The following NCAM2 variants were observed in gnomAD, a reference collection of about 807,000 sequenced individuals.
NCAM2 encodes N-CAM-2.
NCAM2 carries 30 observed loss-of-function variants against 98.1 expected under a neutral mutation model. The observed-to-expected ratio is 0.31, with a 90% confidence interval of 0.23 to 0.41. The LOEUF (loss-of-function observed/expected upper bound fraction) is 0.41, where lower values mean the gene tolerates loss of function less well. Ranked by LOEUF, NCAM2 falls within the 10% of genes least tolerant of loss-of-function variation. NCAM2 has a pLI of 1.00. For synonymous variants in NCAM2, 368 were observed against 342.4 expected, an observed-to-expected ratio of 1.07 and a Z score of -0.83; for missense variants, 867 against 1,005.8, an observed-to-expected ratio of 0.86 and a Z score of 1.87.
chr21:21,132,543 G>T (rs1320854573), intron 1 of NCAM2, among the ~76,000 whole-genome samples: 1 of 152,068 alleles, frequency 6.6e-6, no homozygotes, highest in Non-Finnish European at 1.5e-5. Context: ...TGTACATACT[G>T]AATGGGAGAA....
At chr21:21,218,109 A>G (rs7283349) in intron 1 of NCAM2, among the ~76,000 whole-genome samples, 75,966 of 152,034 alleles carry the variant, frequency 0.5, 19,391 homozygotes, top group Non-Finnish European at 0.56. Flanking sequence ...TGTTTAAGCT[A>G]TTAAGTGTGT....
rs539393141 is a variant in NCAM2, at chr21:21,415,180, A to G, written c.1384-3293A>G. Among the ~76,000 whole-genome samples the G allele has an allele frequency of 8.1e-4, 124 of 152,210 alleles. 1 individual carries two copies. The highest frequency in any genetic ancestry group is 2.2e-3 in the African/African-American group (93 of 41,538). On this transcript the variant is annotated intron_variant, in intron 10 of 17. Coordinates refer to ENST00000400546, the MANE Select transcript of NCAM2 (RefSeq NM_004540.5). ...GTATTGGCCCCTAACAAGAGATTCAACAGGTCCTTGGAAGTTTGAACCCTG... is the reference window on the plus strand; with the variant it reads ...GTATTGGCCCCTAACAAGAGATTCAGCAGGTCCTTGGAAGTTTGAACCCTG...
chr21:21,176,636 A>AT (rs896474808), intron 1 of NCAM2, among the ~76,000 whole-genome samples: 2 of 152,068 alleles, frequency 1.3e-5, no homozygotes, highest in Non-Finnish European at 2.9e-5. Flanking sequence ...AATTAATAAC[A>AT]TTTTAAGACA....
At chr21:21,264,298 A>G (rs1021486205) in intron 1 of NCAM2, among the ~76,000 whole-genome samples, 1 of 152,020 alleles carries the variant, frequency 6.6e-6, no homozygotes, top group African/African-American at 2.4e-5. Flanking sequence ...TAATGCAATA[A>G]CATTTGACAC....
intron 8 of NCAM2, among the ~76,000 whole-genome samples, chr21:21,353,092 T>C (rs910165095): frequency 6.6e-6 from 1 of 152,146 alleles, no homozygotes; most frequent in Non-Finnish European, 1.5e-5. Flanking sequence ...TGTTATTTTC[T>C]ATTATTCTTG....
intron 11 of NCAM2, among the ~76,000 whole-genome samples, chr21:21,424,441 G>A (rs2077172828): frequency 6.6e-6 from 1 of 152,144 alleles, no homozygotes; most frequent in African/African-American, 2.4e-5. Flanking sequence ...TGAATCAAAG[G>A]TTTGGGAGAA....
chr21:21,023,339 C>T (rs556151619), intron 1 of NCAM2, among the ~76,000 whole-genome samples: 9 of 152,128 alleles, frequency 5.9e-5, no homozygotes, highest in Admixed American at 1.3e-4. Context: ...GCCTGACCAA[C>T]ATGGTGGAAT....
rs976418314 is a variant in NCAM2 at position 21,538,976 on chromosome 21, A to G, written c.*1019A>G. On this transcript the variant is annotated 3_prime_UTR_variant, in exon 18 of 18. Coordinates refer to ENST00000400546, the MANE Select transcript of NCAM2 (RefSeq NM_004540.5). ...CATTAAATATAATTGGCTAATAAAA[A>G]TTTTAAGGTTGACTAAATTAAGAAG... 6.6e-6 allele frequency: 1 copy of G among 152,170 alleles called. No homozygotes were observed. Among genetic ancestry groups the G allele is most frequent in the Admixed American group, 6.6e-5 (1 of 15,266 alleles). 9.4% of individuals were successfully genotyped at this position (152,170 alleles called of 1,614,324 possible).
At chr21:21,285,798 T>A (rs2073075917) in intron 3 of NCAM2, among the ~76,000 whole-genome samples, 1 of 151,908 alleles carries the variant, frequency 6.6e-6, no homozygotes, top group Admixed American at 6.6e-5. Context: ...CTAAACATGC[T>A]ATGGAATCCT....
At chr21:21,017,835 A>T (rs996455754) in intron 1 of NCAM2, among the ~76,000 whole-genome samples, 1 of 152,084 alleles carries the variant, frequency 6.6e-6, no homozygotes, top group Non-Finnish European at 1.5e-5. Flanking sequence ...TGTAACATAT[A>T]TATTTGTTTG....
intron 15 of NCAM2, among the ~76,000 whole-genome samples, chr21:21,495,186 A>G (rs888161537): frequency 4.6e-5 from 7 of 152,138 alleles, no homozygotes; most frequent in African/African-American, 1.7e-4. Flanking sequence ...ATACATAAAT[A>G]TAAACGTATA....
At chr21:21,439,534 T>C (rs1044571671) in intron 12 of NCAM2, among the ~76,000 whole-genome samples, 5 of 152,226 alleles carry the variant, frequency 3.3e-5, no homozygotes, top group African/African-American at 1.2e-4. Flanking sequence ...TAGTGCTTTC[T>C]TGTTTTTTAT....
chr21:21,137,707 G>A (rs983495219), intron 1 of NCAM2, among the ~76,000 whole-genome samples: 1 of 152,182 alleles, frequency 6.6e-6, no homozygotes, highest in African/African-American at 2.4e-5. Context: ...GCAGTGAGCC[G>A]AGATCGTGCC....
chr21:21,285,515 A>G (rs2073068461), intron 3 of NCAM2, among the ~76,000 whole-genome samples: 1 of 151,990 alleles, frequency 6.6e-6, no homozygotes, highest in Non-Finnish European at 1.5e-5. Flanking sequence ...ATTAAATTGA[A>G]ATGGTCATTT....
rs190235397 is a variant in NCAM2 at position 21,166,485 on chromosome 21, C to T, written c.56-114093C>T. On this transcript the variant is annotated intron_variant, in intron 1 of 17. Coordinates refer to ENST00000400546, the MANE Select transcript of NCAM2 (RefSeq NM_004540.5). ...CCTCCCAAAGTGCTGGGATTACAGG[C>T]GTGAGCCACCGCGCCTGGCCTGGTC... Among the ~76,000 whole-genome samples, 752 of 139,378 alleles carry T rather than the reference C, an allele frequency of 5.4e-3. 1 individual carries two copies. Among genetic ancestry groups the T allele is most frequent in the African/African-American group, 0.017 (699 of 40,664 alleles). The allele number at this position is 139,378 out of a possible 152,430, so 91.4% of individuals were successfully genotyped here. A position where few individuals can be genotyped will look rare whatever the true frequency, so the allele number is the denominator to read the frequency against.
chr21:21,053,919 C>T (rs1056485129), intron 1 of NCAM2, among the ~76,000 whole-genome samples: 1 of 134,364 alleles, frequency 7.4e-6, no homozygotes, highest in Non-Finnish European at 1.6e-5. Flanking sequence ...CATACCTGTT[C>T]CTATAGGTTT....
At chr21:21,136,293 G>T (rs1307240810) in intron 1 of NCAM2, among the ~76,000 whole-genome samples, 2 of 152,082 alleles carry the variant, frequency 1.3e-5, no homozygotes, top group African/African-American at 4.8e-5. Context: ...TAACTTTAAG[G>T]GTGAAGGGGA....
At chr21:21,237,635 G>A (rs528360724) in intron 1 of NCAM2, among the ~76,000 whole-genome samples, 3 of 151,762 alleles carry the variant, frequency 2.0e-5, no homozygotes, top group African/African-American at 7.2e-5. Context: ...ATGTTCTATT[G>A]GACAGTTGAA....
intron 1 of NCAM2, among the ~76,000 whole-genome samples, chr21:21,261,818 A>C (rs993644130): frequency 4.6e-5 from 7 of 152,142 alleles, no homozygotes; most frequent in Non-Finnish European, 1.0e-4. Flanking sequence ...AAACAAGAAA[A>C]AATCAAACCC....
Sources: allele counts gnomAD v4.1 joint callset (sites outside exome capture counted in the v4.1 genomes callset), GRCh38; gene constraint gnomAD v4.1.1; transcripts MANE v1.5; gene names NCBI Gene and HGNC (gene_info 2026-07-23, HGNC 2026-07-21).